Variants in TEAD1 observed in about 807,000 individuals in gnomAD.
The protein encoded by TEAD1 is transcriptional enhancer factor TEF-1.
A neutral mutation model predicts 54.9 loss-of-function variants in TEAD1; 9 were observed. The observed-to-expected ratio is 0.16, with a 90% CI of 0.10 to 0.29. The LOEUF (loss-of-function observed/expected upper bound fraction) is 0.29, where lower values mean the gene tolerates loss of function less well. Ranked by LOEUF, TEAD1 falls within the 10% of genes least tolerant of loss-of-function variation. The probability of loss-of-function intolerance (pLI) is 1.00; values close to 1 mark genes in which losing one functional copy is unlikely to be tolerated. For missense variants in TEAD1, 387 were observed against 535.9 expected (o/e 0.72, Z 2.74); for synonymous variants, 200 against 187.8 (o/e 1.07, Z -0.53).
At chr11:12,901,030 T>C (rs1328106670) in intron 9 of TEAD1, among the ~76,000 whole-genome samples, 10 of 152,214 alleles carry the variant, frequency 6.6e-5, no homozygotes. Flanking sequence ...TGGAATTCAC[T>C]GAAGAAGCTT....
rs552823399 is a variant in TEAD1 at position 12,747,782 on chromosome 11, C to A, written c.-54-16397C>A. On this transcript the variant is annotated intron_variant, in intron 2 of 12. Coordinates refer to ENST00000527636, the MANE Select transcript of TEAD1 (RefSeq NM_021961.6). Reference sequence around the variant, plus strand: ...CTGTTAATACTTTCATGGATCATCTCATTTAATCTTTACATCAGGTGGCTA... The same window carrying A: ...CTGTTAATACTTTCATGGATCATCTAATTTAATCTTTACATCAGGTGGCTA... Among the ~76,000 whole-genome samples the A allele has an allele frequency of 2.6e-5, 4 of 152,300 alleles. No individual in the cohort carries two copies. In the East Asian group the frequency reaches 7.7e-4, roughly 29 times the overall value.
intron 3 of TEAD1, among the ~76,000 whole-genome samples, chr11:12,811,080 C>G (rs927810932): frequency 6.6e-6 from 1 of 152,182 alleles, no homozygotes; most frequent in Non-Finnish European, 1.5e-5. Context: ...GGAAGTAGAC[C>G]GTGATTGATA....
intron 5 of TEAD1, among the ~76,000 whole-genome samples, chr11:12,874,628 T>C (rs1031083560): frequency 2.0e-5 from 3 of 152,100 alleles, no homozygotes; most frequent in African/African-American, 7.2e-5. Flanking sequence ...AGCGAGACCA[T>C]TGAGTGTGGT....
intron 2 of TEAD1, among the ~76,000 whole-genome samples, chr11:12,726,237 G>T (rs1188527643): frequency 6.6e-6 from 1 of 152,200 alleles, no homozygotes; most frequent in Non-Finnish European, 1.5e-5. Flanking sequence ...CCTTGAAAGA[G>T]TGGTACCTCT....
chr11:12,691,789 A>G (rs1328032986), intron 2 of TEAD1, among the ~76,000 whole-genome samples: 1 of 152,124 alleles, frequency 6.6e-6, no homozygotes, highest in Non-Finnish European at 1.5e-5. Flanking sequence ...GAGATTCCTT[A>G]TCTTATTACC....
chr11:12,841,314 G>A (rs1453439250), intron 3 of TEAD1, among the ~76,000 whole-genome samples: 6 of 152,200 alleles, frequency 3.9e-5, no homozygotes, highest in Admixed American at 3.3e-4. Context: ...ACCAGGCCAT[G>A]CCTATAATCG....
chr11:12,747,614 G>A (rs1944773226), intron 2 of TEAD1, among the ~76,000 whole-genome samples: 1 of 152,206 alleles, frequency 6.6e-6, no homozygotes, highest in Admixed American at 6.5e-5. Flanking sequence ...AGGATTACAG[G>A]CGTGAGCCAC....
Position 12,937,154 on chromosome 11 carries a change from T to A in TEAD1, c.1213T>A (p.Cys405Ser), listed in dbSNP as rs775912290. 7.4e-6 allele frequency: 12 copies of A among 1,613,960 alleles called. No homozygotes were observed. The highest frequency in any genetic ancestry group is 5.3e-5 in the African/African-American group (4 of 74,936). Residue 405 changes from cysteine (C) to serine (S), a missense_variant, in exon 13 of 13, where the codon TGT becomes AGT. Transcript: ENST00000527636. Reference sequence around the variant, plus strand: ...ACAAGAAACTCTACTCTGCATGGCCTGTGTGTTTGAAGTTTCAAATAGTGA... The same window carrying A: ...ACAAGAAACTCTACTCTGCATGGCCAGTGTGTTTGAAGTTTCAAATAGTGA...
At chr11:12,904,960 T>G in intron 10 of TEAD1, 1 of 236,396 alleles carries the variant, frequency 4.2e-6, no homozygotes, top group South Asian at 4.8e-5. Flanking sequence ...AATAATTTAT[T>G]TACGAGTGTA....
At chr11:12,716,683 A>G (rs561851146) in intron 2 of TEAD1, among the ~76,000 whole-genome samples, 47 of 152,346 alleles carry the variant, frequency 3.1e-4, no homozygotes, top group South Asian at 2.5e-3. Flanking sequence ...GGATGTGGCT[A>G]TGTTCCAGTA....
intron 2 of TEAD1, among the ~76,000 whole-genome samples, chr11:12,758,050 GCA>G (rs761487314): frequency 1.3e-5 from 2 of 152,082 alleles, no homozygotes; most frequent in Non-Finnish European, 2.9e-5. Flanking sequence ...AAAGTGCTAG[GCA>G]TTATAGGCGT....
Position 12,881,886 on chromosome 11 carries a change from C to T in TEAD1, c.513-10C>T, listed in dbSNP as rs748180141. On this transcript the variant is annotated splice_polypyrimidine_tract_variant and intron_variant, in intron 7 of 12. Transcript: ENST00000527636. ...TCTCTTAACTCTGTCTGCCATCTCT[C>T]TGTTCCCAGCGTCAAGCCTTTTGTG... 1 of 1,614,138 alleles carries T rather than the reference C, an allele frequency of 6.2e-7. No individual in the cohort carries two copies. Among genetic ancestry groups the T allele is most frequent in the Admixed American group, 1.7e-5 (1 of 60,030 alleles).
At chr11:12,744,925 G>C (rs1944716708) in intron 2 of TEAD1, among the ~76,000 whole-genome samples, 1 of 152,162 alleles carries the variant, frequency 6.6e-6, no homozygotes. Flanking sequence ...CTTGTTGAAA[G>C]GTTCTACTTG....
At chr11:12,707,273 C>T (rs1444657832) in intron 2 of TEAD1, among the ~76,000 whole-genome samples, 1 of 151,964 alleles carries the variant, frequency 6.6e-6, no homozygotes, top group African/African-American at 2.4e-5. Context: ...CTGGGATCAC[C>T]CTTCCACTCC....
At chr11:12,754,026 A>T (rs1944935309) in intron 2 of TEAD1, among the ~76,000 whole-genome samples, 1 of 152,210 alleles carries the variant, frequency 6.6e-6, no homozygotes, top group Admixed American at 6.5e-5. Flanking sequence ...CTTTTGTTAC[A>T]AATCAAGTGA....
chr11:12,752,200 C>CT (rs1201088114), intron 2 of TEAD1, among the ~76,000 whole-genome samples: 1 of 143,238 alleles, frequency 7.0e-6, no homozygotes, highest in Non-Finnish European at 1.5e-5. Flanking sequence ...CAGAAAGGCA[C>CT]TGAAACAGGG....
rs1948843204 is a variant in TEAD1 at position 12,923,155 on chromosome 11, C to A, written c.874-1757C>A. On this transcript the variant is annotated intron_variant, in intron 10 of 12. Coordinates refer to ENST00000527636, the MANE Select transcript of TEAD1 (RefSeq NM_021961.6). The stretch of plus-strand genomic sequence containing the variant: ...CAGAGGTGCCTTTTGGAAGGCAGAG[C>A]TGGTTGTGCCCTGTCACTGTTCCAG... 4.6e-5 allele frequency among the ~76,000 whole-genome samples: 7 copies of A among 152,194 alleles called. No individual in the cohort carries two copies. The South Asian group carries it at 1.5e-3, about 32-fold the overall frequency.
intron 3 of TEAD1, among the ~76,000 whole-genome samples, chr11:12,821,365 C>T (rs543969080): frequency 6.6e-6 from 1 of 152,282 alleles, no homozygotes; most frequent in African/African-American, 2.4e-5. Context: ...CTTTCTGAGT[C>T]TTCATCATTA....
intron 3 of TEAD1, among the ~76,000 whole-genome samples, chr11:12,788,063 G>A (rs1945716877): frequency 6.6e-6 from 1 of 151,016 alleles, no homozygotes; most frequent in Non-Finnish European, 1.5e-5. Context: ...CCAGAGTTCG[G>A]GTGATTTTCC....
Sources: gnomAD v4.1 joint callset for allele counts (sites outside exome capture counted in the v4.1 genomes callset) on GRCh38, gnomAD v4.1.1 for gene constraint, MANE v1.5 for transcripts, NCBI Gene and HGNC (gene_info 2026-07-23, HGNC 2026-07-21) for gene names.